Variants in ADCK1 observed in about 807,000 individuals in gnomAD.
The protein encoded by ADCK1 is aarF domain containing kinase 1, also known as aarF domain-containing protein kinase 1.
A neutral mutation model predicts 52.3 loss-of-function variants in ADCK1; 41 were observed. That is an observed-to-expected ratio of 0.78 (90% CI 0.61 to 1.02). The LOEUF is 1.02. ADCK1 is among the 50% of genes least tolerant of loss of function. ADCK1 has a pLI of 0.00. For missense variants in ADCK1, 658 were observed against 679.5 expected, an observed-to-expected ratio of 0.97 and a Z score of 0.35; for synonymous variants, 250 against 274.6, an observed-to-expected ratio of 0.91 and a Z score of 0.89.
chr14:77,860,475 A>G (rs946918290), intron 4 of ADCK1, among the ~76,000 whole-genome samples: 3 of 152,212 alleles, frequency 2.0e-5, no homozygotes, highest in African/African-American at 7.2e-5. Flanking sequence ...GGCCCCAGGT[A>G]CGCAGCATCC....
Position 77,894,736 on chromosome 14 carries a change from G to GTTTTTTTTTTTTTTTTTTTTTTTTTTTT in ADCK1, c.583-4363_583-4336dup. Among the ~76,000 whole-genome samples, 39 of 36,478 alleles carry GTTTTTTTTTTTTTTTTTTTTTTTTTTTT rather than the reference G, an allele frequency of 1.1e-3. 4 individuals are homozygous for GTTTTTTTTTTTTTTTTTTTTTTTTTTTT. Among genetic ancestry groups the GTTTTTTTTTTTTTTTTTTTTTTTTTTTT allele is most frequent in the Non-Finnish European group, 1.5e-3 (25 of 16,928 alleles). 23.9% of individuals were successfully genotyped at this position (36,478 alleles called of 152,430 possible). On this transcript the variant is annotated intron_variant, in intron 5 of 10. Transcript: ENST00000238561. Reference sequence around the variant, plus strand: ...TTATTTCTTTTTCTTTTCTTTTCTTGTTTTTTTTTTTTTTTTTTTTTTTTT... The same window carrying GTTTTTTTTTTTTTTTTTTTTTTTTTTTT: ...TTATTTCTTTTTCTTTTCTTTTCTTGTTTTTTTTTTTTTTTTTTTTTTTTTTTTTTTTTTTTTTTTTTTTTTTTTTTTT...
intron 9 of ADCK1, among the ~76,000 whole-genome samples, chr14:77,927,059 C>T (rs9888619): frequency 0.16 from 24,624 of 152,090 alleles, 2,205 homozygotes; most frequent in African/African-American, 0.24. Context: ...TGGGCTCCAG[C>T]GCCTCGTCTT....
chr14:77,859,740 A>G (rs113095903), intron 4 of ADCK1, among the ~76,000 whole-genome samples: 2 of 152,292 alleles, frequency 1.3e-5, no homozygotes, highest in South Asian at 2.1e-4. Flanking sequence ...CACTTTCCTT[A>G]TCTATAGCCC....
rs767404674 is a variant in ADCK1, at chr14:77,907,877, T to G, written c.816T>G (p.Asn272Lys). ...LMEFVDGGQV[N>K]DRDYMERNKI... Reference sequence around the variant, plus strand: ...AGTTTGTGGATGGCGGGCAGGTCAATGACAGAGACTACATGGAGAGGAACA... The same window carrying G: ...AGTTTGTGGATGGCGGGCAGGTCAAGGACAGAGACTACATGGAGAGGAACA... Residue 272 changes from asparagine to lysine, a missense_variant, in exon 7 of 11, where the codon AAT (asparagine) becomes AAG (lysine). Asn to Lys is a moderately conservative substitution (Grantham distance 94). Transcript: ENST00000238561. The G allele has an allele frequency of 1.2e-6, 2 of 1,613,978 alleles. No individual in the cohort carries two copies. The highest frequency in any genetic ancestry group is 3.3e-5 in the Admixed American group (2 of 60,016).
At chr14:77,847,888 G>A (rs568410127) in intron 3 of ADCK1, among the ~76,000 whole-genome samples, 17 of 152,238 alleles carry the variant, frequency 1.1e-4, no homozygotes, top group Admixed American at 5.2e-4. Flanking sequence ...TGGCTTACTG[G>A]AACAGTTCCC....
At chr14:77,827,398 C>A (rs1483373107) in intron 3 of ADCK1, among the ~76,000 whole-genome samples, 1 of 147,514 alleles carries the variant, frequency 6.8e-6, no homozygotes, top group African/African-American at 2.5e-5. Flanking sequence ...GTCCCTAGAT[C>A]TAGCTGAAAT....
intron 3 of ADCK1, among the ~76,000 whole-genome samples, chr14:77,830,193 A>G (rs1394806478): frequency 1.3e-5 from 2 of 150,584 alleles, no homozygotes. Flanking sequence ...GCCAGAGTGC[A>G]GTGGTGCGAT....
intron 3 of ADCK1, among the ~76,000 whole-genome samples, chr14:77,826,740 C>A (rs957452546): frequency 6.6e-6 from 1 of 152,158 alleles, no homozygotes; most frequent in Admixed American, 6.5e-5. Flanking sequence ...AAGCCATTCT[C>A]ATTTTGGGGA....
chr14:77,872,055 G>T lies in ADCK1; in HGVS notation c.423+12776G>T, dbSNP rs534132269. On this transcript the variant is annotated intron_variant, in intron 4 of 10. Transcript: ENST00000238561. ...TTCTGTCAGCATTCCCAAGTGGGAG[G>T]CAGGGCAGGCAGATGAGGAAACCTC... Among the ~76,000 whole-genome samples the T allele has an allele frequency of 3.9e-5, 6 of 152,300 alleles. No individual in the cohort carries two copies. The South Asian group carries it at 1.0e-3, about 26-fold the overall frequency.
At chr14:77,926,971 G>T (rs1465389271) in intron 9 of ADCK1, among the ~76,000 whole-genome samples, 1 of 152,150 alleles carries the variant, frequency 6.6e-6, no homozygotes, top group South Asian at 2.1e-4. Flanking sequence ...GAATCCACGT[G>T]GGGGATGGCC....
At chr14:77,876,715 G>GT (rs1203774993) in intron 4 of ADCK1, among the ~76,000 whole-genome samples, 2 of 152,172 alleles carry the variant, frequency 1.3e-5, no homozygotes, top group Non-Finnish European at 2.9e-5. Context: ...CTGTGCTAGT[G>GT]TTCTTAATCA....
chr14:77,924,684 C>T (rs977823715), intron 8 of ADCK1, 78 bp downstream of exon 8: 15 of 1,564,374 alleles, frequency 9.6e-6, no homozygotes, highest in East Asian at 4.5e-5. Flanking sequence ...GCTGCAGAAC[C>T]GGGAGGGAGA....
At chr14:77,830,375 G>A (rs978560424) in intron 3 of ADCK1, among the ~76,000 whole-genome samples, 1 of 151,090 alleles carries the variant, frequency 6.6e-6, no homozygotes, top group African/African-American at 2.4e-5. Context: ...GGATGGTCTC[G>A]AACTCCTGAC....
chr14:77,870,933 G>T (rs1381294747), intron 4 of ADCK1, among the ~76,000 whole-genome samples: 1 of 152,224 alleles, frequency 6.6e-6, no homozygotes, highest in East Asian at 1.9e-4. Flanking sequence ...GATTGCAGTG[G>T]CTTCTGATGC....
intron 7 of ADCK1, among the ~76,000 whole-genome samples, chr14:77,911,571 C>G (rs1053622229): frequency 1.3e-5 from 2 of 152,170 alleles, no homozygotes; most frequent in Non-Finnish European, 2.9e-5. Context: ...TCGTACCCAT[C>G]TCTAAGTAAG....
At chr14:77,880,063 C>CA (rs2082988271) in intron 4 of ADCK1, among the ~76,000 whole-genome samples, 1 of 152,256 alleles carries the variant, frequency 6.6e-6, no homozygotes, top group African/African-American at 2.4e-5. Flanking sequence ...CCAAGCCTTA[C>CA]AGCTTCTCAG....
chr14:77,920,973 G>A (rs535691338), intron 7 of ADCK1, among the ~76,000 whole-genome samples: 8 of 151,980 alleles, frequency 5.3e-5, no homozygotes, highest in African/African-American at 1.9e-4. Context: ...TATATGAGCC[G>A]TGCTTTAAAC....
chr14:77,819,062 C>T lies in ADCK1; in HGVS notation c.84C>T (p.Tyr28=). 1 of 1,614,178 alleles carries T rather than the reference C, an allele frequency of 6.2e-7. No individual in the cohort carries two copies. The highest frequency in any genetic ancestry group is 8.5e-7 in the Non-Finnish European group (1 of 1,180,028). ...GCATCTACTTCTACAGTAACAAGTACTTGGACCCTAATGACTTTGGCGCTG... is the reference window on the plus strand; with the variant it reads ...GCATCTACTTCTACAGTAACAAGTATTTGGACCCTAATGACTTTGGCGCTG... The part of the protein sequence containing the change: ...ASGIYFYSNK[Y]LDPNDFGAVR... The change falls in exon 2 of 11, where the codon TAC becomes TAT. Residue 28 remains tyrosine, a synonymous_variant. Transcript: ENST00000238561.
chr14:77,860,798 C>T (rs145679299), intron 4 of ADCK1, among the ~76,000 whole-genome samples: 29 of 152,286 alleles, frequency 1.9e-4, no homozygotes, highest in Admixed American at 5.2e-4. Context: ...GAGATTCACC[C>T]CCAAATTAAA....
Sources: gnomAD v4.1 joint callset for allele counts (sites outside exome capture counted in the v4.1 genomes callset) on GRCh38, gnomAD v4.1.1 for gene constraint, MANE v1.5 for transcripts, NCBI Gene and HGNC (gene_info 2026-07-23, HGNC 2026-07-21) for gene names.